Variants in CLYBL observed in about 807,000 individuals in gnomAD.
CLYBL encodes citramalyl-CoA lyase, mitochondrial.
Under a neutral mutation model 38.9 loss-of-function variants are expected in CLYBL, and 31 were observed. The ratio of observed to expected loss-of-function variants is 0.80; its 90% CI spans 0.60 to 1.08. The LOEUF (loss-of-function observed/expected upper bound fraction) is 1.08, where lower values mean the gene tolerates loss of function less well. Among genes scored for constraint, CLYBL ranks in the 50% least tolerant of loss-of-function variants. The pLI is 0.00. For missense variants in CLYBL, 434 were observed against 411.6 expected (o/e 1.05, Z -0.47); for synonymous variants, 171 against 158.6 (o/e 1.08, Z -0.59).
downstream of CLYBL, among the ~76,000 whole-genome samples, chr13:99,898,904 A>C (rs929180049): frequency 6.6e-6 from 1 of 152,070 alleles, no homozygotes; most frequent in Non-Finnish European, 1.5e-5. Flanking sequence ...GAACATTGTC[A>C]CACATCTCTG....
At chr13:99,883,518 C>CAA (rs199528877) in intron 7 of CLYBL, among the ~76,000 whole-genome samples, 2,733 of 130,836 alleles carry the variant, frequency 0.021, 94 homozygotes, top group African/African-American at 0.071. Flanking sequence ...GACTCCATCT[C>CAA]AAAAAAAAAA....
intron 1 of CLYBL, among the ~76,000 whole-genome samples, chr13:99,644,347 T>G (rs185027875): frequency 1.3e-3 from 205 of 152,268 alleles, no homozygotes; most frequent in Middle Eastern, 3.4e-3. Context: ...ATTTGAAAAC[T>G]GTTACCTTAA....
intron 2 of CLYBL, among the ~76,000 whole-genome samples, chr13:99,832,487 GGATAGTGATAA>G (rs2050825480): frequency 6.6e-6 from 1 of 152,196 alleles, no homozygotes; most frequent in Admixed American, 6.5e-5. Context: ...GCATGTCATT[GGATAGTGATAA>G]GATCTGATGG....
At position 99,858,885 on chromosome 13, in the gene CLYBL, A is replaced by G. The variant is rs777431861; in HGVS notation, c.274A>G (p.Lys92Glu). The part of the protein sequence containing the change: ...KKNEARLRIV[K>E]TLEDIDLGPT... ...GAATGAAGCTCGACTGAGAATTGTA[A>G]AAACTCTTGAAGACATTGATCTGGG... Residue 92 changes from lysine to glutamate, a missense_variant, in exon 3 of 9, where the codon AAA becomes GAA. Physicochemically the swap from Lys to Glu is moderately conservative, Grantham distance 56. Transcript: ENST00000339105. The G allele has an allele frequency of 3.7e-6, 6 of 1,604,538 alleles. No individual in the cohort carries two copies. The highest frequency in any genetic ancestry group is 5.1e-6 in the Non-Finnish European group (6 of 1,177,530).
intron 1 of CLYBL, among the ~76,000 whole-genome samples, chr13:99,644,144 T>C (rs1467978958): frequency 2.6e-5 from 4 of 151,844 alleles, no homozygotes; most frequent in African/African-American, 9.7e-5. Context: ...TATGTATATG[T>C]GGTGTATGTA....
intron 7 of CLYBL, among the ~76,000 whole-genome samples, chr13:99,886,071 C>A (rs1299616993): frequency 6.6e-6 from 1 of 152,036 alleles, no homozygotes; most frequent in Non-Finnish European, 1.5e-5. Context: ...AGGGTGATAC[C>A]CCAAAAAAGG....
At chr13:99,816,693 C>T (rs2050455211) in intron 2 of CLYBL, among the ~76,000 whole-genome samples, 1 of 152,208 alleles carries the variant, frequency 6.6e-6, no homozygotes, top group Non-Finnish European at 1.5e-5. Context: ...AAAGTTCCAT[C>T]TATGAACCAG....
intron 1 of CLYBL, among the ~76,000 whole-genome samples, chr13:99,658,352 A>G (rs2047359524): frequency 6.6e-6 from 1 of 152,304 alleles, no homozygotes; most frequent in South Asian, 2.1e-4. Context: ...TGCTGGAGAG[A>G]CCGCGGACTG....
intron 1 of CLYBL, among the ~76,000 whole-genome samples, chr13:99,704,295 A>G (rs949004563): frequency 1.3e-5 from 2 of 152,206 alleles, no homozygotes; most frequent in African/African-American, 2.4e-5. Context: ...GTGGAAGTCC[A>G]GTGACCCAGA....
chr13:99,815,514 G>A (rs1269332532), intron 2 of CLYBL, among the ~76,000 whole-genome samples: 1 of 152,228 alleles, frequency 6.6e-6, no homozygotes, highest in Non-Finnish European at 1.5e-5. Context: ...GAGCTGAGGA[G>A]TTCAAGACCA....
At chr13:99,634,522 G>A (rs994178235) in intron 1 of CLYBL, among the ~76,000 whole-genome samples, 1 of 152,112 alleles carries the variant, frequency 6.6e-6, no homozygotes, top group Non-Finnish European at 1.5e-5. Context: ...GGAAGGACAC[G>A]CAAGAAAACT....
chr13:99,720,236 A>C (rs2048374698), intron 1 of CLYBL, among the ~76,000 whole-genome samples: 1 of 151,980 alleles, frequency 6.6e-6, no homozygotes, highest in Admixed American at 6.6e-5. Context: ...ATTTTATTTG[A>C]GTCTAAAGTT....
intron 1 of CLYBL, among the ~76,000 whole-genome samples, chr13:99,691,354 T>C (rs2047899150): frequency 6.6e-6 from 1 of 152,160 alleles, no homozygotes; most frequent in Admixed American, 6.5e-5. Context: ...CACAAGTCTT[T>C]TGTTCAAACC....
At chr13:99,633,727 G>A (rs1238367348) in intron 1 of CLYBL, among the ~76,000 whole-genome samples, 1 of 152,072 alleles carries the variant, frequency 6.6e-6, no homozygotes, top group Non-Finnish European at 1.5e-5. Context: ...GGTGAAAATT[G>A]TGAATTTTAT....
intron 6 of CLYBL, 68 bp downstream of exon 6, chr13:99,866,475 C>A: frequency 7.2e-7 from 1 of 1,382,282 alleles, no homozygotes; most frequent in Non-Finnish European, 1.0e-6. Context: ...AAATTTGACC[C>A]GAAAACACCC....
intron 1 of CLYBL, among the ~76,000 whole-genome samples, chr13:99,675,631 G>T (rs1404344417): frequency 1.3e-5 from 2 of 152,142 alleles, no homozygotes; most frequent in East Asian, 1.9e-4. Context: ...ACGATACGTG[G>T]TCTTTTGTGA....
chr13:99,647,174 C>T (rs2047189189), intron 1 of CLYBL, among the ~76,000 whole-genome samples: 2 of 152,196 alleles, frequency 1.3e-5, no homozygotes, highest in Admixed American at 1.3e-4. Context: ...CAAGAAGTTT[C>T]TTCTTGAGAA....
At chr13:99,839,614 G>A (rs2139115068) in intron 2 of CLYBL, among the ~76,000 whole-genome samples, 1 of 152,282 alleles carries the variant, frequency 6.6e-6, no homozygotes, top group African/African-American at 2.4e-5. Context: ...CATTGGGTGT[G>A]TGTATGGGTG....
intron 1 of CLYBL, among the ~76,000 whole-genome samples, chr13:99,724,927 A>G (rs1353529599): frequency 6.6e-6 from 1 of 152,256 alleles, no homozygotes; most frequent in East Asian, 1.9e-4. Flanking sequence ...GGATTGGGGT[A>G]GTTCAATCAA....
Sources: gnomAD v4.1 joint callset for allele counts (sites outside exome capture counted in the v4.1 genomes callset) on GRCh38, gnomAD v4.1.1 for gene constraint, MANE v1.5 for transcripts, NCBI Gene and HGNC (gene_info 2026-07-23, HGNC 2026-07-21) for gene names.